The following ANO3 variants were observed in gnomAD, a reference collection of about 807,000 sequenced individuals.
ANO3 encodes the protein anoctamin 3.
In ANO3, 99 loss-of-function variants were observed where a neutral mutation model predicts 144.8. The observed-to-expected ratio is 0.68, with a 90% CI of 0.58 to 0.81. ANO3 has a LOEUF of 0.81. ANO3 is among the 30% of genes least tolerant of loss of function. ANO3 has a pLI of 0.00. For synonymous variants in ANO3, 414 were observed against 392.6 expected, an observed-to-expected ratio of 1.05 and a Z score of -0.64; for missense variants, 905 against 1,202.2, an observed-to-expected ratio of 0.75 and a Z score of 3.66.
chr11:26,599,756 G>A, intron 17 of ANO3, 42 bp downstream of exon 17: 1 of 1,564,416 alleles, frequency 6.4e-7, no homozygotes, highest in Non-Finnish European at 8.7e-7. Context: ...CAAAAAAGGG[G>A]TGGAAAGGGG....
intron 1 of ANO3, among the ~76,000 whole-genome samples, chr11:26,344,029 G>A (rs1318961644): frequency 2.0e-5 from 3 of 151,998 alleles, no homozygotes; most frequent in Admixed American, 6.6e-5. Flanking sequence ...AAATCATAAC[G>A]TACCTTTAAG....
At chr11:26,629,788 C>A (rs779849617) in intron 18 of ANO3, among the ~76,000 whole-genome samples, 1 of 151,998 alleles carries the variant, frequency 6.6e-6, no homozygotes, top group African/African-American at 2.4e-5. Context: ...TGCACCTCCA[C>A]GCCTGGCTAA....
intron 1 of ANO3, among the ~76,000 whole-genome samples, chr11:26,390,512 T>G (rs1856847126): frequency 6.6e-6 from 1 of 152,078 alleles, no homozygotes; most frequent in African/African-American, 2.4e-5. Flanking sequence ...ATAAGGAAGT[T>G]GGCATTTATG....
At chr11:26,401,681 A>T (rs1362244886) in intron 1 of ANO3, among the ~76,000 whole-genome samples, 1 of 152,002 alleles carries the variant, frequency 6.6e-6, no homozygotes, top group African/African-American at 2.4e-5. Flanking sequence ...GTTCGAGACC[A>T]GCCTGGCCAA....
rs764426053 is a variant in ANO3, at chr11:26,259,379, G to T, written c.155-50266G>T. On this transcript the variant is annotated intron_variant, in intron 1 of 27. Coordinates refer to the ANO3 transcript ENST00000672621. ...AAAGTGATAAAAATGGCCAGGCATG[G>T]TGGCTCACGCCTATAATTCCACCTC... Among the ~76,000 whole-genome samples the T allele has an allele frequency of 4.6e-5, 7 of 152,286 alleles. No homozygotes were observed. In the East Asian group the frequency reaches 1.4e-3, roughly 29 times the overall value.
chr11:26,315,409 T>C (rs1854599160), intron 1 of ANO3, among the ~76,000 whole-genome samples: 1 of 152,186 alleles, frequency 6.6e-6, no homozygotes, highest in Non-Finnish European at 1.5e-5. Context: ...TTAGAATATC[T>C]AATGCTTTCA....
At chr11:26,486,121 T>C (rs1303439210) in intron 4 of ANO3, among the ~76,000 whole-genome samples, 1 of 152,098 alleles carries the variant, frequency 6.6e-6, no homozygotes, top group Non-Finnish European at 1.5e-5. Flanking sequence ...CACAGCACTT[T>C]GGGAGGCCAA....
intron 1 of ANO3, among the ~76,000 whole-genome samples, chr11:26,289,825 G>A (rs1853913833): frequency 6.6e-6 from 1 of 150,424 alleles, no homozygotes; most frequent in Non-Finnish European, 1.5e-5. Flanking sequence ...TATAATGCCA[G>A]TATTTTATTG....
Position 26,643,054 on chromosome 11 carries a change from A to G in ANO3, c.2276-128A>G. ...ACATATATGAAATAAGGTTGTCCTA[A>G]CTGTAAAATGAGATAAAGCTATCTA... On this transcript the variant is annotated intron_variant, in intron 22 of 26. Transcript: ENST00000256737. The G allele has an allele frequency of 6.3e-6, 5 of 790,870 alleles. No individual in the cohort carries two copies. In the South Asian group the frequency reaches 8.8e-5, roughly 14 times the overall value. 49.0% of individuals were successfully genotyped at this position (790,870 alleles called of 1,614,324 possible). A position where few individuals can be genotyped will look rare whatever the true frequency, so the allele number is the denominator to read the frequency against.
At chr11:26,485,389 C>A (rs1441115744) in intron 4 of ANO3, among the ~76,000 whole-genome samples, 1 of 151,922 alleles carries the variant, frequency 6.6e-6, no homozygotes, top group Non-Finnish European at 1.5e-5. Flanking sequence ...TGTGGGGCAC[C>A]TTCCTATTTG....
At chr11:26,343,846 T>G (rs1855428064) in intron 1 of ANO3, among the ~76,000 whole-genome samples, 1 of 152,230 alleles carries the variant, frequency 6.6e-6, no homozygotes, top group Non-Finnish European at 1.5e-5. Flanking sequence ...TAGTAGTACA[T>G]ACTAAAACAA....
intron 1 of ANO3, among the ~76,000 whole-genome samples, chr11:26,240,976 A>G (rs1852651597): frequency 6.6e-6 from 1 of 152,176 alleles, no homozygotes; most frequent in South Asian, 2.1e-4. Flanking sequence ...TTGAATTGTA[A>G]CTAACTCCCA....
At chr11:26,243,072 G>A (rs1460488297) in intron 1 of ANO3, among the ~76,000 whole-genome samples, 5 of 152,036 alleles carry the variant, frequency 3.3e-5, no homozygotes, top group Non-Finnish European at 7.4e-5. Flanking sequence ...TGCTTAACCA[G>A]CCACCCAAAT....
Position 26,429,174 on chromosome 11 carries a change from G to A in ANO3, c.47-12744G>A, listed in dbSNP as rs1284684578. ...AACTACCCCAGGTGGGGGTAGGGGT[G>A]CTACTGCTGCTGACCACTGATACTA... On this transcript the variant is annotated intron_variant, in intron 1 of 26. Coordinates refer to ENST00000256737, the MANE Select transcript of ANO3 (RefSeq NM_031418.4). Among the ~76,000 whole-genome samples the A allele has an allele frequency of 3.9e-5, 6 of 152,146 alleles. No individual in the cohort carries two copies. In the East Asian group the frequency reaches 1.2e-3, roughly 29 times the overall value.
At chr11:26,644,044 A>G (rs1853259407) in intron 23 of ANO3, among the ~76,000 whole-genome samples, 1 of 152,142 alleles carries the variant, frequency 6.6e-6, no homozygotes. Flanking sequence ...TAAATTACCC[A>G]GTCTCAGGTA....
chr11:26,572,317 A>G, intron 14 of ANO3: 2 of 842,810 alleles, frequency 2.4e-6, no homozygotes, highest in South Asian at 5.4e-5. Flanking sequence ...CCAACCCTCC[A>G]GTTTTCATAG....
chr11:26,472,567 T>C (rs1859821117), intron 4 of ANO3, among the ~76,000 whole-genome samples: 1 of 151,998 alleles, frequency 6.6e-6, no homozygotes, highest in Admixed American at 6.6e-5. Flanking sequence ...CAAGGGACTA[T>C]AGAAACCATG....
chr11:26,551,237 T>C (rs1179667592), intron 12 of ANO3, among the ~76,000 whole-genome samples: 2 of 152,018 alleles, frequency 1.3e-5, no homozygotes, highest in African/African-American at 4.8e-5. Context: ...CTTTAATTGG[T>C]AGTAATGATT....
chr11:26,486,940 T>C (rs1860474982), intron 4 of ANO3, among the ~76,000 whole-genome samples: 1 of 152,202 alleles, frequency 6.6e-6, no homozygotes, highest in African/African-American at 2.4e-5. Flanking sequence ...TTTTTAAGAA[T>C]CATCTCTAAT....
Sources: allele counts gnomAD v4.1 joint callset (sites outside exome capture counted in the v4.1 genomes callset), GRCh38; gene constraint gnomAD v4.1.1; transcripts MANE v1.5; gene names NCBI Gene and HGNC (gene_info 2026-07-23, HGNC 2026-07-21).